The following IGF2BP3 variants were observed in gnomAD, a reference collection of about 807,000 sequenced individuals.
The protein encoded by IGF2BP3 is insulin like growth factor 2 mRNA binding protein 3.
A neutral mutation model predicts 73.8 loss-of-function variants in IGF2BP3; 9 were observed. The ratio of observed to expected loss-of-function variants is 0.12; its 90% CI spans 0.07 to 0.21. IGF2BP3 has a LOEUF of 0.21. Ranked by LOEUF, IGF2BP3 falls within the 10% of genes least tolerant of loss-of-function variation. The pLI, the probability that IGF2BP3 is intolerant of heterozygous loss-of-function variation, is 1.00. For missense variants in IGF2BP3, 542 were observed against 714.0 expected, an observed-to-expected ratio of 0.76 and a Z score of 2.75; for synonymous variants, 258 against 256.7, an observed-to-expected ratio of 1.01 and a Z score of -0.05.
intron 2 of IGF2BP3, among the ~76,000 whole-genome samples, chr7:23,420,078 C>A (rs866830236): frequency 1.3e-5 from 2 of 152,176 alleles, no homozygotes; most frequent in Non-Finnish European, 2.9e-5. Flanking sequence ...TGCCAGTCAC[C>A]TCCTTTGAAG....
intron 2 of IGF2BP3, among the ~76,000 whole-genome samples, chr7:23,464,333 T>C (rs1788514804): frequency 6.6e-6 from 1 of 152,244 alleles, no homozygotes; most frequent in African/African-American, 2.4e-5. Flanking sequence ...CTTCACTTTC[T>C]TTTTTGCATT....
chr7:23,376,433 G>A (rs949862565), intron 3 of IGF2BP3, among the ~76,000 whole-genome samples: 1 of 151,588 alleles, frequency 6.6e-6, no homozygotes, highest in Non-Finnish European at 1.5e-5. Flanking sequence ...TACTCGGGTG[G>A]CTGAGGCAGG....
chr7:23,365,331 G>C (rs1441063681), intron 3 of IGF2BP3, among the ~76,000 whole-genome samples: 1 of 152,088 alleles, frequency 6.6e-6, no homozygotes, highest in Non-Finnish European at 1.5e-5. Context: ...AAAGCAATTT[G>C]TTCAGTAATT....
chr7:23,322,435 C>T (rs1784182795), intron 10 of IGF2BP3, among the ~76,000 whole-genome samples: 1 of 152,184 alleles, frequency 6.6e-6, no homozygotes, highest in Admixed American at 6.5e-5. Context: ...AAGACCAAAT[C>T]TACGTCTGAC....
At chr7:23,364,140 C>T (rs1449553302) in intron 3 of IGF2BP3, among the ~76,000 whole-genome samples, 1 of 152,126 alleles carries the variant, frequency 6.6e-6, no homozygotes, top group Non-Finnish European at 1.5e-5. Context: ...CTTTGGGAGG[C>T]CGAGGCAGGT....
At chr7:23,436,035 G>C (rs1348635883) in intron 2 of IGF2BP3, among the ~76,000 whole-genome samples, 1 of 152,206 alleles carries the variant, frequency 6.6e-6, no homozygotes, top group African/African-American at 2.4e-5. Context: ...GGGAGAACAG[G>C]CATGAGCCAC....
Position 23,470,087 on chromosome 7 carries a change from G to A in IGF2BP3, c.24C>T (p.Asn8=). 2 of 1,609,226 alleles carry A rather than the reference G, an allele frequency of 1.2e-6. No homozygotes were observed. Among genetic ancestry groups the A allele is most frequent in the East Asian group, 2.2e-5 (1 of 44,702 alleles). Residue 8 remains asparagine, a synonymous_variant, in exon 1 of 15, where the codon AAC becomes AAT. Transcript: ENST00000258729. ...CCGAGGGGGCGGCGTTCTCGCTGAGGTTTCCGATATACAGTTTGTTCATTG... is the reference window on the plus strand; with the variant it reads ...CCGAGGGGGCGGCGTTCTCGCTGAGATTTCCGATATACAGTTTGTTCATTG... MNKLYIG[N]LSENAAPSDL...
chr7:23,327,447 A>AT (rs889537989), intron 10 of IGF2BP3, among the ~76,000 whole-genome samples: 5 of 151,550 alleles, frequency 3.3e-5, no homozygotes, highest in Non-Finnish European at 4.4e-5. Context: ...CGCCCGGCTA[A>AT]TTTTTTTGTA....
chr7:23,334,637 C>T (rs1784525385), intron 10 of IGF2BP3, among the ~76,000 whole-genome samples: 1 of 152,202 alleles, frequency 6.6e-6, no homozygotes, highest in Admixed American at 6.5e-5. Context: ...AGGACATAAG[C>T]TGCTTCCCAA....
chr7:23,351,717 C>T (rs1784967232), intron 5 of IGF2BP3, 131 bp from the exon 6 acceptor site: 1 of 901,840 alleles, frequency 1.1e-6, no homozygotes, highest in African/African-American at 1.7e-5. Context: ...CCAGCACAAG[C>T]AGCAAACCCG....
chr7:23,393,565 A>C lies in IGF2BP3; in HGVS notation c.285+25211T>G, dbSNP rs550179226. On this transcript the variant is annotated intron_variant, in intron 3 of 14. Transcript: ENST00000258729. ...GAAACAGGCTGAGAGGGGTCAGTGG[A>C]GGGGAATCTGGGAGGGACAGATGAG... Among the ~76,000 whole-genome samples, 12 of 152,266 alleles carry C rather than the reference A, an allele frequency of 7.9e-5. No homozygotes were observed. In the South Asian group the frequency reaches 2.5e-3, roughly 32 times the overall value.
intron 10 of IGF2BP3, among the ~76,000 whole-genome samples, chr7:23,328,484 A>T (rs1784360816): frequency 6.6e-6 from 1 of 152,166 alleles, no homozygotes; most frequent in Non-Finnish European, 1.5e-5. Flanking sequence ...TTTTTTAAAC[A>T]ACTTTAAGCC....
chr7:23,311,904 T>C lies in IGF2BP3; in HGVS notation c.*458A>G, dbSNP rs1309274078. 1.9e-5 allele frequency: 3 copies of C among 155,280 alleles called. No individual in the cohort carries two copies. The Admixed American group carries it at 1.9e-4, about 10-fold the overall frequency. The allele number at this position is 155,280 out of a possible 1,614,324, so 9.6% of individuals were successfully genotyped here. On this transcript the variant is annotated 3_prime_UTR_variant, in exon 15 of 15. Coordinates refer to ENST00000258729, the MANE Select transcript of IGF2BP3 (RefSeq NM_006547.3). ...GTAAAAATAAAACTGAGAACAGTTT[T>C]TCTATGCTAATGGCTTAACATTTAA...
intron 2 of IGF2BP3, among the ~76,000 whole-genome samples, chr7:23,444,742 CAAA>C (rs56029431): frequency 0.012 from 1,025 of 82,854 alleles, 9 homozygotes; most frequent in African/African-American, 0.035. Flanking sequence ...GACTCTGTCT[CAAA>C]AAAAAAAAAA....
In IGF2BP3 at chr7:23,312,478, T is replaced by G. The variant is rs1783859405; in HGVS notation, c.1642-18A>C. On this transcript the variant is annotated intron_variant, in intron 14 of 14. Transcript: ENST00000258729. ...TGGGCAACCTAGAAAAGGACAGAGC[T>G]TTGAAATTCCACTTGATCAAAAGCT... The G allele has an allele frequency of 6.5e-7, 1 of 1,545,198 alleles. No homozygotes were observed. Among genetic ancestry groups the G allele is most frequent in the African/African-American group, 1.4e-5 (1 of 73,642 alleles).
In IGF2BP3 at chr7:23,351,536, A is replaced by G; in HGVS notation, c.452T>C (p.Val151Ala). Residue 151 changes from valine (V) to alanine (A), a missense_variant, in exon 6 of 15, where the codon GTA becomes GCA. By Grantham distance (64) the Val-to-Ala change is moderately conservative. Around this residue, in one of 2 missense-constraint regions of IGF2BP3, gnomAD observed 239 missense variants for 241.9 expected, o/e 0.99. Coordinates refer to ENST00000258729, the MANE Select transcript of IGF2BP3 (RefSeq NM_006547.3). Reference sequence around the variant, plus strand: ...GGCCATTTCATCAGGGATATAGGCTACTTTCAAGGTGAAATTCTCTAACTG... The same window carrying G: ...GGCCATTTCATCAGGGATATAGGCTGCTTTCAAGGTGAAATTCTCTAACTG... ...GFQLENFTLK[V>A]AYIPDEMAAQ... 1.9e-6 allele frequency: 3 copies of G among 1,614,098 alleles called. No homozygotes were observed. Among genetic ancestry groups the G allele is most frequent in the Non-Finnish European group, 2.5e-6 (3 of 1,180,022 alleles).
At chr7:23,445,931 A>T (rs80213816) in intron 2 of IGF2BP3, among the ~76,000 whole-genome samples, 2,426 of 152,298 alleles carry the variant, frequency 0.016, 75 homozygotes, top group African/African-American at 0.055. Flanking sequence ...TAGGTAGATA[A>T]GTCTGTAGTA....
At chr7:23,424,424 G>A (rs1056624597) in intron 2 of IGF2BP3, among the ~76,000 whole-genome samples, 2 of 151,966 alleles carry the variant, frequency 1.3e-5, no homozygotes, top group Non-Finnish European at 2.9e-5. Context: ...CCTGAACCAG[G>A]AGGCGGACAT....
At chr7:23,379,141 G>A (rs1785826559) in intron 3 of IGF2BP3, among the ~76,000 whole-genome samples, 2 of 152,196 alleles carry the variant, frequency 1.3e-5, no homozygotes. Flanking sequence ...TGAACAATGG[G>A]TGGACAAATT....
Sources: allele counts gnomAD v4.1 joint callset (sites outside exome capture counted in the v4.1 genomes callset), GRCh38; gene constraint gnomAD v4.1.1; regional missense constraint gnomAD v4.1.1; transcripts MANE v1.5; gene names NCBI Gene and HGNC (gene_info 2026-07-23, HGNC 2026-07-21).